LATS2: variants seen among roughly 807,000 people sequenced by gnomAD.
LATS2 encodes serine/threonine-protein kinase LATS2.
LATS2 carries 24 observed loss-of-function variants against 76.0 expected under a neutral mutation model. The observed-to-expected ratio is 0.32, with a 90% CI of 0.23 to 0.44. LATS2 has a LOEUF of 0.44. Among genes scored for constraint, LATS2 ranks in the 20% least tolerant of loss-of-function variants. LATS2 has a pLI of 1.00. For synonymous variants in LATS2, 692 were observed against 635.4 expected (o/e 1.09, Z -1.34); for missense variants, 1,286 against 1,481.2 (o/e 0.87, Z 2.16).
At chr13:20,981,320 G>T in intron 6 of LATS2, 146 bp downstream of exon 6, 1 of 699,344 alleles carries the variant, frequency 1.4e-6, no homozygotes, top group Non-Finnish European at 2.3e-6. Context: ...CTTGTATGTT[G>T]CAGAAATTAG....
At chr13:20,990,255 A>G (rs1870448212) in intron 3 of LATS2, among the ~76,000 whole-genome samples, 1 of 152,150 alleles carries the variant, frequency 6.6e-6, no homozygotes, top group Non-Finnish European at 1.5e-5. Flanking sequence ...GCTGTGCTCT[A>G]AGGCCTCAAA....
intron 2 of LATS2, among the ~76,000 whole-genome samples, chr13:20,993,935 C>T (rs560535941): frequency 4.6e-5 from 7 of 152,306 alleles, no homozygotes; most frequent in South Asian, 4.1e-4. Context: ...CAGCACTAAC[C>T]GTTCAATTGC....
intron 2 of LATS2, among the ~76,000 whole-genome samples, chr13:21,035,337 A>C (rs1048138245): frequency 6.6e-6 from 1 of 152,180 alleles, no homozygotes; most frequent in African/African-American, 2.4e-5. Flanking sequence ...AAATGCCATA[A>C]AACATTCTAT....
intron 2 of LATS2, among the ~76,000 whole-genome samples, chr13:21,044,729 TGTGTGTGTG>T (rs1349659099): frequency 7.2e-6 from 1 of 138,592 alleles, no homozygotes; most frequent in African/African-American, 2.6e-5. Flanking sequence ...TGTGTGTGTG[TGTGTGTGTG>T]TTTTAAATAG....
Position 21,019,155 on chromosome 13 carries a change from T to C in LATS2, c.342+26530A>G, listed in dbSNP as rs117064608. 8.7e-4 allele frequency among the ~76,000 whole-genome samples: 132 copies of C among 152,278 alleles called. 1 individual carries two copies. The East Asian group carries it at 0.025, about 28-fold the overall frequency. On this transcript the variant is annotated intron_variant, in intron 2 of 7. Transcript: ENST00000382592. ...TTCCTCCCGTGTACCTAATTTTTAA[T>C]ACATCTTAAGCACGTAAGACAGTGC...
intron 2 of LATS2, among the ~76,000 whole-genome samples, chr13:21,041,064 C>T (rs1260180571): frequency 3.9e-5 from 6 of 152,040 alleles, no homozygotes; most frequent in African/African-American, 1.4e-4. Context: ...GCTCCGCCTC[C>T]TGGGTTCACA....
intron 2 of LATS2, among the ~76,000 whole-genome samples, chr13:21,007,862 C>T (rs1319349834): frequency 6.2e-4 from 85 of 138,080 alleles, no homozygotes; most frequent in African/African-American, 2.0e-3. Context: ...CCGGTTCAAG[C>T]GATCCTCCTG....
intron 2 of LATS2, among the ~76,000 whole-genome samples, chr13:21,020,366 C>G (rs1872007474): frequency 6.6e-6 from 1 of 152,184 alleles, no homozygotes; most frequent in African/African-American, 2.4e-5. Flanking sequence ...ACCTCAATTG[C>G]TTTTGCACCA....
intron 1 of LATS2, among the ~76,000 whole-genome samples, chr13:21,050,564 C>T (rs961531164): frequency 3.9e-5 from 6 of 152,198 alleles, no homozygotes; most frequent in Middle Eastern, 3.2e-3. Flanking sequence ...GTCATTGCTG[C>T]GTAATATCCC....
chr13:21,002,196 A>G (rs917666041), intron 2 of LATS2, among the ~76,000 whole-genome samples: 2 of 152,106 alleles, frequency 1.3e-5, no homozygotes, highest in African/African-American at 4.8e-5. Context: ...TACACGTGTG[A>G]GCCACTGCGC....
chr13:20,987,640 C>T (rs1330178393), intron 4 of LATS2, among the ~76,000 whole-genome samples: 1 of 152,176 alleles, frequency 6.6e-6, no homozygotes, highest in Admixed American at 6.5e-5. Flanking sequence ...ACCTACATTA[C>T]GCTGGCTACA....
chr13:21,018,712 G>A (rs1871910853), intron 2 of LATS2, among the ~76,000 whole-genome samples: 1 of 152,070 alleles, frequency 6.6e-6, no homozygotes, highest in South Asian at 2.1e-4. Context: ...GGAGTGCAGT[G>A]GCTCGATCAC....
At chr13:20,981,413 A>G in intron 6 of LATS2, 53 bp downstream of exon 6, 1 of 1,518,226 alleles carries the variant, frequency 6.6e-7, no homozygotes. Context: ...GACTCAGCTC[A>G]CGTCTGAAGG....
At chr13:21,047,907 A>T (rs1873129818) in intron 1 of LATS2, among the ~76,000 whole-genome samples, 2 of 152,206 alleles carry the variant, frequency 1.3e-5, no homozygotes, top group Non-Finnish European at 2.9e-5. Flanking sequence ...TAATTGTGAG[A>T]AGATTCCATT....
intron 2 of LATS2, among the ~76,000 whole-genome samples, chr13:21,008,942 A>G (rs1871465529): frequency 6.6e-6 from 1 of 152,248 alleles, no homozygotes; most frequent in Non-Finnish European, 1.5e-5. Context: ...GTCCATCACC[A>G]GGAAATCACA....
intron 2 of LATS2, among the ~76,000 whole-genome samples, chr13:21,003,926 T>C (rs1595227393): frequency 6.6e-6 from 1 of 152,146 alleles, no homozygotes; most frequent in Non-Finnish European, 1.5e-5. Flanking sequence ...AAGTAAATAA[T>C]TGGTTGGGTT....
At chr13:21,050,592 T>A (rs1475262075) in intron 1 of LATS2, among the ~76,000 whole-genome samples, 1 of 152,222 alleles carries the variant, frequency 6.6e-6, no homozygotes, top group African/African-American at 2.4e-5. Context: ...GAATACACCA[T>A]AACTTATGCA....
rs1268600019 is a variant in LATS2 at position 20,989,150 on chromosome 13, C to A, written c.630G>T (p.Pro210=). Residue 210 remains proline, a synonymous_variant, in exon 4 of 8, where the codon CCG becomes CCT. Transcript: ENST00000382592. ...GPTALEEMPR[P]YVDYLFPGVG... ...CTCCGGGGAAAAGGTAGTCCACGTA[C>A]GGCCGCGGCATCTCCTCCAGCGCCG... The A allele has an allele frequency of 6.2e-7, 1 of 1,612,072 alleles. No individual in the cohort carries two copies. The highest frequency in any genetic ancestry group is 8.5e-7 in the Non-Finnish European group (1 of 1,179,630).
intron 2 of LATS2, among the ~76,000 whole-genome samples, chr13:21,028,082 C>A (rs1041366699): frequency 6.6e-6 from 1 of 151,922 alleles, no homozygotes; most frequent in Non-Finnish European, 1.5e-5. Flanking sequence ...CCTCCCCCTT[C>A]CCCCACCCCA....
Sources: gnomAD v4.1 joint callset for allele counts (sites outside exome capture counted in the v4.1 genomes callset) on GRCh38, gnomAD v4.1.1 for gene constraint, MANE v1.5 for transcripts, NCBI Gene and HGNC (gene_info 2026-07-23, HGNC 2026-07-21) for gene names.